NME7: variants seen among roughly 807,000 people sequenced by gnomAD.
NME7 encodes the protein nucleoside diphosphate kinase 7.
Under a neutral mutation model 49.1 loss-of-function variants are expected in NME7, and 41 were observed. That is an observed-to-expected ratio of 0.83 (90% confidence interval 0.65 to 1.08). NME7 has a LOEUF of 1.08. Among genes scored for constraint, NME7 ranks in the 50% least tolerant of loss-of-function variants. NME7 has a pLI of 0.00. For synonymous variants in NME7, 139 were observed against 150.6 expected (o/e 0.92, Z 0.56); for missense variants, 423 against 463.4 (o/e 0.91, Z 0.80).
At chr1:169,314,285 A>G (rs1651525567) in intron 3 of NME7, among the ~76,000 whole-genome samples, 1 of 152,046 alleles carries the variant, frequency 6.6e-6, no homozygotes, top group Admixed American at 6.5e-5. Flanking sequence ...TACACAACAA[A>G]AACAGCATAT....
At chr1:169,133,193 A>G (rs1360398623) in intron 11 of NME7, among the ~76,000 whole-genome samples, 1 of 152,210 alleles carries the variant, frequency 6.6e-6, no homozygotes, top group Non-Finnish European at 1.5e-5. Context: ...GGATTGGCCT[A>G]AGTCCTTATT....
Position 169,146,164 on chromosome 1 carries a change from C to T in NME7, c.1099-13347G>A, listed in dbSNP as rs80336852. Reference sequence around the variant, plus strand: ...ATGTGTAACCATTGTTTGGCTCCCACTTACAAGTGAGAACACAGCATTTAA... The same window carrying T: ...ATGTGTAACCATTGTTTGGCTCCCATTTACAAGTGAGAACACAGCATTTAA... On this transcript the variant is annotated intron_variant, in intron 11 of 11. Coordinates refer to ENST00000367811, the MANE Select transcript of NME7 (RefSeq NM_013330.5). 8.7e-3 allele frequency among the ~76,000 whole-genome samples: 1,332 copies of T among 152,300 alleles called. 16 individuals carry two copies. Among genetic ancestry groups the T allele is most frequent in the African/African-American group, 0.03 (1,266 of 41,564 alleles).
chr1:169,266,920 T>C (rs1361041117), intron 7 of NME7, among the ~76,000 whole-genome samples: 1 of 131,556 alleles, frequency 7.6e-6, no homozygotes, highest in Non-Finnish European at 1.8e-5. Context: ...ATATAAAAAT[T>C]AGCTGAGCAT....
intron 10 of NME7, among the ~76,000 whole-genome samples, chr1:169,228,039 TATAC>T (rs1351790793): frequency 7.2e-5 from 8 of 111,528 alleles, no homozygotes; most frequent in Non-Finnish European, 1.5e-4. Flanking sequence ...ATTATGTGTG[TATAC>T]ACACACACAC....
At chr1:169,329,640 C>T (rs1652185518) in intron 1 of NME7, among the ~76,000 whole-genome samples, 1 of 151,444 alleles carries the variant, frequency 6.6e-6, no homozygotes, top group African/African-American at 2.4e-5. Context: ...TTTGAAAATA[C>T]ACAGAGGAGA....
intron 5 of NME7, among the ~76,000 whole-genome samples, chr1:169,301,761 C>T (rs1051962685): frequency 4.6e-5 from 7 of 152,004 alleles, no homozygotes; most frequent in African/African-American, 1.7e-4. Flanking sequence ...AAATTATGTC[C>T]TTGGCAATAA....
chr1:169,355,106 TAATATATAATATAC>T (rs1653367951), intron 1 of NME7, among the ~76,000 whole-genome samples: 1 of 50,118 alleles, frequency 2.0e-5, no homozygotes, highest in African/African-American at 8.6e-5. Context: ...ATTATAGATA[TAATATATAATATAC>T]TATATATTAT....
At chr1:169,243,716 AC>A (rs1462762274) in intron 7 of NME7, among the ~76,000 whole-genome samples, 1 of 152,188 alleles carries the variant, frequency 6.6e-6, no homozygotes, top group Non-Finnish European at 1.5e-5. Flanking sequence ...AACCTGCAGG[AC>A]CTGATCTTGG....
intron 1 of NME7, among the ~76,000 whole-genome samples, chr1:169,355,406 T>C (rs1653435645): frequency 7.3e-6 from 1 of 136,134 alleles, no homozygotes; most frequent in Admixed American, 8.6e-5. Context: ...ATACCTGCTA[T>C]GTACCCATAA....
chr1:169,190,522 C>CTT (rs34764111), intron 10 of NME7: 1,838 of 246,924 alleles, frequency 7.4e-3, no homozygotes, highest in East Asian at 0.016. Flanking sequence ...AATTTTTCTT[C>CTT]TTTTTTTTTT....
At chr1:169,313,729 A>G (rs1651501244) in intron 3 of NME7, among the ~76,000 whole-genome samples, 1 of 152,132 alleles carries the variant, frequency 6.6e-6, no homozygotes, top group Non-Finnish European at 1.5e-5. Context: ...AGGAGAAACA[A>G]CAGAAAAGAG....
At chr1:169,241,120 A>G (rs1322127087) in intron 7 of NME7, among the ~76,000 whole-genome samples, 2 of 152,136 alleles carry the variant, frequency 1.3e-5, no homozygotes, top group African/African-American at 4.8e-5. Context: ...AAACCATTAT[A>G]TGGAGCTTTA....
intron 11 of NME7, among the ~76,000 whole-genome samples, chr1:169,143,938 C>G (rs535281641): frequency 1.1e-4 from 16 of 152,250 alleles, no homozygotes; most frequent in East Asian, 1.9e-4. Flanking sequence ...CATTTCCCCC[C>G]CAGAATGAAT....
chr1:169,260,182 G>C (rs957290398), intron 7 of NME7, among the ~76,000 whole-genome samples: 6 of 133,878 alleles, frequency 4.5e-5, no homozygotes, highest in African/African-American at 1.5e-4. Flanking sequence ...TAAGTAAGAT[G>C]TGTGAATATA....
intron 1 of NME7, among the ~76,000 whole-genome samples, chr1:169,354,617 C>A (rs920577078): frequency 5.4e-5 from 8 of 148,836 alleles, no homozygotes; most frequent in African/African-American, 2.0e-4. Flanking sequence ...CATGCCTGTA[C>A]CAAAATATCT....
intron 1 of NME7, among the ~76,000 whole-genome samples, chr1:169,360,356 A>G (rs958686410): frequency 4.6e-5 from 7 of 152,226 alleles, no homozygotes; most frequent in South Asian, 2.1e-4. Flanking sequence ...TACAGATAAG[A>G]TAAAAATAAG....
At chr1:169,153,649 T>C (rs1013411625) in intron 11 of NME7, among the ~76,000 whole-genome samples, 1 of 140,408 alleles carries the variant, frequency 7.1e-6, no homozygotes, top group Non-Finnish European at 1.5e-5. Flanking sequence ...TTTAATTTTA[T>C]ATTACAATTT....
chr1:169,336,474 T>C (rs1652479627), intron 1 of NME7, among the ~76,000 whole-genome samples: 1 of 152,140 alleles, frequency 6.6e-6, no homozygotes, highest in Admixed American at 6.5e-5. Context: ...CTGAGCTAGA[T>C]ACAAAGGTTC....
intron 7 of NME7, among the ~76,000 whole-genome samples, chr1:169,270,127 G>T (rs1649445195): frequency 7.5e-6 from 1 of 133,156 alleles, no homozygotes; most frequent in Admixed American, 7.4e-5. Context: ...AGAATAACTG[G>T]GTTTAAATGC....
Sources: allele counts gnomAD v4.1 joint callset (sites outside exome capture counted in the v4.1 genomes callset), GRCh38; gene constraint gnomAD v4.1.1; transcripts MANE v1.5; gene names NCBI Gene and HGNC (gene_info 2026-07-23, HGNC 2026-07-21).